The following DUSP10 variants were observed in gnomAD, a reference collection of about 807,000 sequenced individuals.
The protein encoded by DUSP10 is dual specificity protein phosphatase 10.
Under a neutral mutation model 30.8 loss-of-function variants are expected in DUSP10, and 14 were observed. That is an observed-to-expected ratio of 0.46 (90% confidence interval 0.30 to 0.71). The LOEUF is 0.71. Among genes scored for constraint, DUSP10 ranks in the 30% least tolerant of loss-of-function variants. DUSP10 has a pLI of 0.08. For synonymous variants in DUSP10, 254 were observed against 250.4 expected, an observed-to-expected ratio of 1.01 and a Z score of -0.14; for missense variants, 550 against 619.4, an observed-to-expected ratio of 0.89 and a Z score of 1.19.
At chr1:221,721,727 T>C (rs941275847) in intron 2 of DUSP10, among the ~76,000 whole-genome samples, 2 of 152,068 alleles carry the variant, frequency 1.3e-5, no homozygotes, top group African/African-American at 2.4e-5. Context: ...ATGGTAGAGA[T>C]GCATGGAAGG....
At position 221,702,194 on chromosome 1, in the gene DUSP10, C is replaced by T; in HGVS notation, c.*218G>A. ...GGCTTAAAAAAATTACTTCTTTAAC[C>T]TCCTTAATTTGTCAGTTTGTGGGAG... is the stretch of plus-strand genomic sequence containing the variant. On this transcript the variant is annotated 3_prime_UTR_variant, in exon 4 of 4. Transcript: ENST00000366899. The surrounding 1 kb of genome is among the most constrained non-coding windows in gnomAD (Gnocchi z 4.5). 5.6e-6 allele frequency: 3 copies of T among 537,564 alleles called. No homozygotes were observed. Among genetic ancestry groups the T allele is most frequent in the South Asian group, 2.6e-5 (1 of 38,252 alleles). The allele number at this position is 537,564 out of a possible 1,614,324, so 33.3% of individuals were successfully genotyped here. A position where few individuals can be genotyped will look rare whatever the true frequency, so the allele number is the denominator to read the frequency against.
chr1:221,739,114 T>C lies in DUSP10; in HGVS notation c.631A>G (p.Thr211Ala). Reference protein sequence around the residue: ...SRRRLQQGKITVLDLISCREG... With the variant: ...SRRRLQQGKIAVLDLISCREG... ...CTACAGGAAATCAAGTCTAGGACAG[T>C]GATCTTGCCCTGCTGCAGTCTCCGC... The change falls in exon 2 of 4, where the codon ACT becomes GCT. Residue 211 changes from threonine (T) to alanine (A), a missense_variant. Physicochemically the swap from Thr to Ala is moderately conservative, Grantham distance 58. Coordinates refer to ENST00000366899, the MANE Select transcript of DUSP10 (RefSeq NM_007207.6). The C allele has an allele frequency of 6.2e-7, 1 of 1,614,228 alleles. No individual in the cohort carries two copies. Among genetic ancestry groups the C allele is most frequent in the Non-Finnish European group, 8.5e-7 (1 of 1,180,052 alleles).
intron 2 of DUSP10, among the ~76,000 whole-genome samples, chr1:221,734,560 A>T (rs1489700253): frequency 6.6e-6 from 1 of 152,236 alleles, no homozygotes; most frequent in Non-Finnish European, 1.5e-5. Flanking sequence ...CACTTTACAC[A>T]CATTAATTCA....
At chr1:221,741,680 G>A (rs1274406637) in intron 1 of DUSP10, among the ~76,000 whole-genome samples, 1 of 151,588 alleles carries the variant, frequency 6.6e-6, no homozygotes, top group Admixed American at 6.6e-5. Flanking sequence ...TGAGCCCCGA[G>A]CATTTAAAAC....
At chr1:221,715,863 ACT>A (rs913498905) in intron 2 of DUSP10, among the ~76,000 whole-genome samples, 8 of 151,650 alleles carry the variant, frequency 5.3e-5, no homozygotes, top group South Asian at 2.1e-4. Flanking sequence ...AGACTCTATG[ACT>A]CTCTCTGGTT....
chr1:221,738,152 A>C (rs1488118259), intron 2 of DUSP10, among the ~76,000 whole-genome samples: 2 of 152,176 alleles, frequency 1.3e-5, no homozygotes, highest in Admixed American at 1.3e-4. Flanking sequence ...AGTGGTGAAT[A>C]ATTCCTTCTG....
intron 1 of DUSP10, among the ~76,000 whole-genome samples, chr1:221,741,753 G>T (rs79503580): frequency 0.025 from 3,873 of 152,112 alleles, 181 homozygotes; most frequent in African/African-American, 0.087. Context: ...AGACTGCAGG[G>T]AGTAAACGCA....
chr1:221,734,313 T>A (rs1006842451), intron 2 of DUSP10, among the ~76,000 whole-genome samples: 32 of 152,368 alleles, frequency 2.1e-4, no homozygotes, highest in Admixed American at 2.0e-3. Context: ...TGGCCCAATA[T>A]GTTTTTGCAA....
chr1:221,731,792 A>G (rs979927949), intron 2 of DUSP10, among the ~76,000 whole-genome samples: 4 of 151,788 alleles, frequency 2.6e-5, no homozygotes, highest in African/African-American at 9.7e-5. Flanking sequence ...TATTTTTAGT[A>G]GAGACGGGGT....
chr1:221,728,565 G>T (rs1661490672), intron 2 of DUSP10, among the ~76,000 whole-genome samples: 1 of 152,188 alleles, frequency 6.6e-6, no homozygotes, highest in Non-Finnish European at 1.5e-5. Flanking sequence ...ACAGTAAATG[G>T]TTTGATAGGA....
intron 2 of DUSP10, among the ~76,000 whole-genome samples, chr1:221,719,397 C>T (rs1387350755): frequency 2.6e-5 from 4 of 152,096 alleles, no homozygotes; most frequent in African/African-American, 9.7e-5. Flanking sequence ...ACCATGAGGG[C>T]TGAGCTTTGA....
Position 221,738,943 on chromosome 1 carries a change from C to A in DUSP10, c.802G>T (p.Val268Leu). 6.2e-7 allele frequency: 1 copy of A among 1,607,944 alleles called. No homozygotes were observed. Among genetic ancestry groups the A allele is most frequent in the Non-Finnish European group, 8.5e-7 (1 of 1,176,594 alleles). ...SLKREGKEPLVLKGGLSSFKQ... is the reference protein window; with the variant it reads ...SLKREGKEPLLLKGGLSSFKQ... ...GGAGCAGGGGCATTACCTTTCAACA[C>A]CAGAGGTTCTTTGCCTTCTCTCTTC... Residue 268 changes from valine to leucine, a missense_variant, in exon 2 of 4, where the codon GTG (valine) becomes TTG (leucine). Val to Leu is a conservative substitution (Grantham distance 32, BLOSUM62 1). Transcript: ENST00000366899.
intron 2 of DUSP10, among the ~76,000 whole-genome samples, chr1:221,720,766 G>A (rs1210781861): frequency 1.3e-5 from 2 of 152,184 alleles, no homozygotes; most frequent in South Asian, 2.1e-4. Flanking sequence ...TCAGACCTCA[G>A]ACCAGATGTG....
At chr1:221,718,772 A>G (rs1661192230) in intron 2 of DUSP10, among the ~76,000 whole-genome samples, 1 of 152,270 alleles carries the variant, frequency 6.6e-6, no homozygotes, top group Non-Finnish European at 1.5e-5. Flanking sequence ...CAAATTAAAC[A>G]CATCACAGCT....
At chr1:221,720,038 T>G (rs2102632451) in intron 2 of DUSP10, among the ~76,000 whole-genome samples, 1 of 152,298 alleles carries the variant, frequency 6.6e-6, no homozygotes, top group South Asian at 2.1e-4. Flanking sequence ...GCCTTTGCAT[T>G]TGCTGTTCCC....
chr1:221,718,000 C>T (rs1245171727), intron 2 of DUSP10, among the ~76,000 whole-genome samples: 1 of 151,808 alleles, frequency 6.6e-6, no homozygotes, highest in African/African-American at 2.4e-5. Flanking sequence ...CACACTAAAA[C>T]TTGTGGGCTT....
rs752429127 is a variant in DUSP10 at position 221,739,253 on chromosome 1, C to T, written c.492G>A (p.Lys164=). 1 of 1,614,090 alleles carries T rather than the reference C, an allele frequency of 6.2e-7. No homozygotes were observed. The highest frequency in any genetic ancestry group is 2.2e-5 in the East Asian group (1 of 44,890). ...CAGGGCCCTGACTCGGCAGGTGACT[C>T]TTGCTGCATTTGGTCATCTTCTTTG... ...DLAKKMTKCS[K]SHLPSQGPVI... Residue 164 remains lysine, a synonymous_variant, in exon 2 of 4, where the codon AAG becomes AAA. Transcript: ENST00000366899.
intron 2 of DUSP10, among the ~76,000 whole-genome samples, chr1:221,719,650 G>A (rs931818396): frequency 2.0e-5 from 3 of 152,170 alleles, no homozygotes; most frequent in Non-Finnish European, 2.9e-5. Context: ...CCTGGGGCAC[G>A]CAGAATGAAG....
intron 2 of DUSP10, among the ~76,000 whole-genome samples, chr1:221,713,749 A>G (rs544328513): frequency 6.6e-6 from 1 of 152,326 alleles, no homozygotes; most frequent in South Asian, 2.1e-4. Context: ...CTTGGAGAGC[A>G]GGACTAGTCT....
Sources: gnomAD v4.1 joint callset for allele counts (sites outside exome capture counted in the v4.1 genomes callset) on GRCh38, gnomAD v4.1.1 for gene constraint, Gnocchi (gnomAD v3.1) non-coding constraint, MANE v1.5 for transcripts, NCBI Gene and HGNC (gene_info 2026-07-23, HGNC 2026-07-21) for gene names.